Variants in MTFR2 observed in about 807,000 individuals in gnomAD.
MTFR2 encodes the protein mitochondrial fission regulator 2.
In MTFR2, 44 loss-of-function variants were observed where a neutral mutation model predicts 41.2. That is an observed-to-expected ratio of 1.07 (90% CI 0.84 to 1.37). The LOEUF is 1.37. Among genes scored for constraint, MTFR2 ranks in the 40% most tolerant of loss-of-function variants. MTFR2 has a pLI of 0.00. For synonymous variants in MTFR2, 141 were observed against 154.6 expected (o/e 0.91, Z 0.65); for missense variants, 452 against 459.5 (o/e 0.98, Z 0.15).
chr6:136,240,824 G>A (rs183854612), intron 5 of MTFR2, among the ~76,000 whole-genome samples: 2 of 152,312 alleles, frequency 1.3e-5, no homozygotes, highest in African/African-American at 2.4e-5. Context: ...GGGCGCGGTG[G>A]CTCACGCCTG....
At position 136,241,588 on chromosome 6, in the gene MTFR2, G is replaced by A; in HGVS notation, c.370C>T (p.Gln124Ter). 6.2e-7 allele frequency: 1 copy of A among 1,614,030 alleles called. No homozygotes were observed. The highest frequency in any genetic ancestry group is 1.1e-5 in the South Asian group (1 of 91,078). Residue 124 changes from glutamine to a stop codon, truncating the protein, a stop_gained, in exon 5 of 8, where the codon CAG becomes TAG. Transcript: ENST00000420702. LOFTEE classifies it high-confidence loss of function. ...VRDPLSPAVR[Q>*]KETVKNDLPV... ...AGGTCATTTTTCACAGTTTCTTTCT[G>A]TCTTACAGCAGGTGACAGTGGATCC...
chr6:136,246,850 G>A (rs1411515482), intron 2 of MTFR2, among the ~76,000 whole-genome samples: 9 of 152,048 alleles, frequency 5.9e-5, no homozygotes, highest in Admixed American at 5.2e-4. Flanking sequence ...GACTTCAGCT[G>A]GGTTCTCACA....
chr6:136,240,947 C>T (rs1396021707), intron 5 of MTFR2, among the ~76,000 whole-genome samples: 3 of 152,186 alleles, frequency 2.0e-5, no homozygotes, highest in South Asian at 2.1e-4. Context: ...AAAAATTAGC[C>T]GAGCGTGGTG....
chr6:136,246,433 C>T (rs1780214593), intron 2 of MTFR2, among the ~76,000 whole-genome samples: 1 of 152,134 alleles, frequency 6.6e-6, no homozygotes. Context: ...CAGGTGCACA[C>T]AACCATGCCT....
chr6:136,243,648 G>A (rs529814712), intron 3 of MTFR2, among the ~76,000 whole-genome samples: 151 of 152,070 alleles, frequency 9.9e-4, no homozygotes, highest in Non-Finnish European at 1.6e-3. Flanking sequence ...AGGAGGTTGA[G>A]GCTGCAGTGA....
At chr6:136,238,642 ATT>A (rs1425365592) in intron 6 of MTFR2, among the ~76,000 whole-genome samples, 3 of 151,900 alleles carry the variant, frequency 2.0e-5, no homozygotes, top group African/African-American at 7.3e-5. Flanking sequence ...ACACATAAAA[ATT>A]TGTTAACAGA....
At chr6:136,241,973 A>C (rs1051534381) in intron 4 of MTFR2, among the ~76,000 whole-genome samples, 2 of 148,858 alleles carry the variant, frequency 1.3e-5, no homozygotes, top group Non-Finnish European at 3.0e-5. Context: ...CCAGCTACTC[A>C]GGAGGCTGAG....
chr6:136,233,799 G>A (rs957948924), intron 6 of MTFR2, among the ~76,000 whole-genome samples: 1 of 151,866 alleles, frequency 6.6e-6, no homozygotes, highest in African/African-American at 2.4e-5. Context: ...ATTTCCTAAT[G>A]GGTAGGAAAA....
At chr6:136,241,757 A>C (rs1375225225) in intron 4 of MTFR2, 81 bp from the exon 5 acceptor site, 2 of 1,085,964 alleles carry the variant, frequency 1.8e-6, no homozygotes, top group Non-Finnish European at 2.6e-6. Flanking sequence ...CTCCTACGTG[A>C]AAATCAAAAG....
intron 6 of MTFR2, 125 bp downstream of exon 6, chr6:136,239,341 G>A: frequency 3.1e-6 from 2 of 646,464 alleles, no homozygotes; most frequent in Non-Finnish European, 5.1e-6. Context: ...ATCTCTAGGA[G>A]AGGTATTCAG....
chr6:136,232,450 G>A (rs1779789950), intron 7 of MTFR2, among the ~76,000 whole-genome samples: 2 of 152,072 alleles, frequency 1.3e-5, no homozygotes. Context: ...GTAGAGACGA[G>A]GTTTCACCGT....
At chr6:136,233,879 C>A (rs1044017115) in intron 6 of MTFR2, among the ~76,000 whole-genome samples, 2 of 151,760 alleles carry the variant, frequency 1.3e-5, no homozygotes, top group Non-Finnish European at 2.9e-5. Context: ...GCAAATTGTT[C>A]ATTTGTTTGG....
At chr6:136,246,715 A>T (rs1780221107) in intron 2 of MTFR2, among the ~76,000 whole-genome samples, 1 of 152,172 alleles carries the variant, frequency 6.6e-6, no homozygotes, top group Admixed American at 6.5e-5. Context: ...TGCCACTCAA[A>T]AATGGTTCAT....
intron 3 of MTFR2, among the ~76,000 whole-genome samples, chr6:136,243,705 A>G (rs1408514298): frequency 7.0e-6 from 1 of 142,418 alleles, no homozygotes; most frequent in Non-Finnish European, 1.5e-5. Flanking sequence ...CGACAGCAAG[A>G]CCTTATCTTA....
In MTFR2 at chr6:136,239,769, G is replaced by A. The variant is rs928270479; in HGVS notation, c.566C>T (p.Ser189Leu). 1.9e-5 allele frequency: 30 copies of A among 1,613,858 alleles called. No homozygotes were observed. The highest frequency in any genetic ancestry group is 2.7e-5 in the African/African-American group (2 of 74,880). ...ERISLGQLSS[S>L]RAAHLSVDPD... is the part of the protein sequence containing the mutation. ...GTCCACACTCAGATGGGCAGCCCGC[G>A]ATGATGACAGCTGACCCAAACTAAT... Residue 189 changes from serine (S) to leucine (L), a missense_variant, in exon 6 of 8, where the codon TCG becomes TTG. By Grantham distance (145) the Ser-to-Leu change is moderately radical. Coordinates refer to ENST00000420702, the MANE Select transcript of MTFR2 (RefSeq NM_001099286.3).
chr6:136,240,503 C>T lies in MTFR2; in HGVS notation c.515-683G>A, dbSNP rs73779617. ...AAAAAATTTTTAGCAATTATATTTACACACAGCCCTTTACAGCCAAATCTG... is the reference window on the plus strand; with the variant it reads ...AAAAAATTTTTAGCAATTATATTTATACACAGCCCTTTACAGCCAAATCTG... On this transcript the variant is annotated intron_variant, in intron 5 of 7. Transcript: ENST00000420702. Among the ~76,000 whole-genome samples, 1,210 of 152,090 alleles carry T rather than the reference C, an allele frequency of 8.0e-3. 10 individuals are homozygous for T. Among genetic ancestry groups the T allele is most frequent in the African/African-American group, 0.026 (1,090 of 41,474 alleles).
chr6:136,249,081 T>C lies in MTFR2; in HGVS notation c.19A>G (p.Ile7Val). The change falls in exon 2 of 8, where the codon ATC becomes GTC. Residue 7 changes from isoleucine (I) to valine (V), a missense_variant. Transcript: ENST00000420702. ...AAATATTCCAGCATCTCTCTTAAGATATTCAGTATGAGAGACATTGATGAA... is the reference window on the plus strand; with the variant it reads ...AAATATTCCAGCATCTCTCTTAAGACATTCAGTATGAGAGACATTGATGAA... Reference protein sequence around the residue: MSLILNILREMLEYFGV... With the variant: MSLILNVLREMLEYFGV... 1 of 1,596,106 alleles carries C rather than the reference T, an allele frequency of 6.3e-7. No individual in the cohort carries two copies. The highest frequency in any genetic ancestry group is 1.1e-5 in the South Asian group (1 of 86,986).
At chr6:136,249,817 C>A (rs1780316869) in intron 1 of MTFR2, among the ~76,000 whole-genome samples, 159 bp downstream of exon 1, 1 of 152,152 alleles carries the variant, frequency 6.6e-6, no homozygotes, top group Non-Finnish European at 1.5e-5. Flanking sequence ...AATGCCCATC[C>A]CTCCTCACTC....
intron 6 of MTFR2, 27 bp from the exon 7 acceptor site, chr6:136,233,526 T>C: frequency 6.9e-7 from 1 of 1,446,876 alleles, no homozygotes; most frequent in Non-Finnish European, 9.2e-7. Flanking sequence ...AAAATTGAAT[T>C]TATTAAAACT....
Sources: allele counts gnomAD v4.1 joint callset (sites outside exome capture counted in the v4.1 genomes callset), GRCh38; gene constraint gnomAD v4.1.1; transcripts MANE v1.5; gene names NCBI Gene and HGNC (gene_info 2026-07-23, HGNC 2026-07-21).